GFOD2: variants seen among roughly 807,000 people sequenced by gnomAD.
GFOD2 encodes glucose-fructose oxidoreductase domain-containing protein 2.
GFOD2 carries 9 observed loss-of-function variants against 24.6 expected under a neutral mutation model. The observed-to-expected ratio is 0.37, with a 90% CI of 0.22 to 0.64. The LOEUF (loss-of-function observed/expected upper bound fraction) is 0.64, where lower values mean the gene tolerates loss of function less well. Ranked by LOEUF, GFOD2 falls within the 30% of genes least tolerant of loss-of-function variation. GFOD2 has a pLI of 0.65. For synonymous variants in GFOD2, 211 were observed against 224.8 expected (o/e 0.94, Z 0.55); for missense variants, 476 against 532.5 (o/e 0.89, Z 1.04).
Position 67,675,999 on chromosome 16 carries a change from C to T in GFOD2, c.314G>A (p.Arg105Gln), listed in dbSNP as rs771540117. The change falls in exon 3 of 3, where the codon CGG becomes CAG. Residue 105 changes from arginine to glutamine, a missense_variant. Transcript: ENST00000268797. ...GTAGTAGCGCGAGGCTGTCACCATC[C>T]GGAAGGCATCCACCGATGTTGCTGC... ...EKAATSVDAF[R>Q]MVTASRYYPQ... is the part of the protein sequence containing the mutation. 38 of 1,613,980 alleles carry T rather than the reference C, an allele frequency of 2.4e-5. No homozygotes were observed. The highest frequency in any genetic ancestry group is 4.5e-5 in the East Asian group (2 of 44,894).
At chr16:67,681,487 C>T in intron 2 of GFOD2, 2 of 840,302 alleles carry the variant, frequency 2.4e-6, no homozygotes, top group Non-Finnish European at 2.9e-6. Flanking sequence ...TGGCTCATTG[C>T]AACCTCCGCT....
chr16:67,683,707 G>C (rs1162957935), intron 2 of GFOD2: 1 of 1,230,254 alleles, frequency 8.1e-7, no homozygotes, highest in African/African-American at 1.6e-5. Context: ...AGAGGTGACA[G>C]ACACCTTCCT....
chr16:67,703,855 G>A (rs143805201), intron 1 of GFOD2, among the ~76,000 whole-genome samples: 1 of 152,268 alleles, frequency 6.6e-6, no homozygotes, highest in Non-Finnish European at 1.5e-5. Flanking sequence ...CATTACCCAT[G>A]TGCCCAGCCC....
chr16:67,698,757 G>A (rs1425446341), intron 1 of GFOD2, among the ~76,000 whole-genome samples: 1 of 152,224 alleles, frequency 6.6e-6, no homozygotes, highest in Non-Finnish European at 1.5e-5. Flanking sequence ...GGGATTACAG[G>A]CGTGAGCCAC....
chr16:67,690,196 G>C (rs775969316), intron 1 of GFOD2, among the ~76,000 whole-genome samples: 1 of 152,128 alleles, frequency 6.6e-6, no homozygotes, highest in Non-Finnish European at 1.5e-5. Flanking sequence ...ACCCAGAAGT[G>C]GAATTGCCGG....
chr16:67,697,556 T>C (rs1480661423), intron 1 of GFOD2, among the ~76,000 whole-genome samples: 2 of 152,026 alleles, frequency 1.3e-5, no homozygotes, highest in Non-Finnish European at 2.9e-5. Flanking sequence ...TCTCCCAGGG[T>C]TCCACGCCTG....
chr16:67,678,463 T>C (rs73599506), intron 2 of GFOD2, among the ~76,000 whole-genome samples: 43,205 of 138,684 alleles, frequency 0.31, 9,680 homozygotes, highest in African/African-American at 0.65. Flanking sequence ...GCGACGAGAG[T>C]GAAACTCTGT....
intron 1 of GFOD2, among the ~76,000 whole-genome samples, chr16:67,712,411 G>A (rs1233419107): frequency 1.4e-5 from 2 of 140,872 alleles, no homozygotes; most frequent in African/African-American, 2.7e-5. Context: ...TCAGCCTGCC[G>A]AGTGCCTGCG....
chr16:67,694,072 C>T (rs541146542), intron 1 of GFOD2, among the ~76,000 whole-genome samples: 4 of 152,116 alleles, frequency 2.6e-5, no homozygotes, highest in East Asian at 3.9e-4. Flanking sequence ...CTGCAACTTC[C>T]ACCTCCCGAG....
intron 1 of GFOD2, among the ~76,000 whole-genome samples, chr16:67,707,357 C>CAAA (rs1220107900): frequency 1.2e-5 from 1 of 80,490 alleles, no homozygotes; most frequent in Non-Finnish European, 2.6e-5. Context: ...AACTCCATTT[C>CAAA]AAAAAAAAAA....
At chr16:67,700,306 C>G (rs1161839729) in intron 1 of GFOD2, among the ~76,000 whole-genome samples, 1 of 150,388 alleles carries the variant, frequency 6.6e-6, no homozygotes, top group Non-Finnish European at 1.5e-5. Context: ...ACCCGGGAAG[C>G]AGAGGTTGCA....
At chr16:67,689,450 C>T (rs2053294558) in intron 1 of GFOD2, among the ~76,000 whole-genome samples, 1 of 151,260 alleles carries the variant, frequency 6.6e-6, no homozygotes. Flanking sequence ...GTGGGTGGAT[C>T]ACCTGAGGTG....
intron 1 of GFOD2, among the ~76,000 whole-genome samples, chr16:67,694,466 T>A (rs79631436): frequency 0.052 from 7,845 of 152,168 alleles, 245 homozygotes; most frequent in Middle Eastern, 0.16. Flanking sequence ...AAGTTTTTTT[T>A]AATTTTATTT....
chr16:67,690,740 C>T (rs1174461754), intron 1 of GFOD2, among the ~76,000 whole-genome samples: 2 of 152,164 alleles, frequency 1.3e-5, no homozygotes, highest in Admixed American at 6.5e-5. Context: ...ATTAAAAGGA[C>T]AAATCTGTCA....
chr16:67,682,045 CT>C (rs903643089), intron 2 of GFOD2: 636 of 254,290 alleles, frequency 2.5e-3, no homozygotes, highest in Middle Eastern at 3.8e-3. Context: ...CTTTTCTTTT[CT>C]TTTTTTTTTG....
rs773977871 is a variant in GFOD2, at chr16:67,675,993, A to G, written c.320T>C (p.Val107Ala). 8 of 1,614,002 alleles carry G rather than the reference A, an allele frequency of 5.0e-6. No individual in the cohort carries two copies. The highest frequency in any genetic ancestry group is 2.2e-5 in the South Asian group (2 of 91,092). Residue 107 changes from valine (V) to alanine (A), a missense_variant, in exon 3 of 3, where the codon GTG (valine) becomes GCG (alanine). Coordinates refer to ENST00000268797, the MANE Select transcript of GFOD2 (RefSeq NM_030819.4). Reference protein sequence around the residue: ...AATSVDAFRMVTASRYYPQLM... With the variant: ...AATSVDAFRMATASRYYPQLM... ...CTGCGGGTAGTAGCGCGAGGCTGTC[A>G]CCATCCGGAAGGCATCCACCGATGT...
rs1597788478 is a variant in GFOD2 at position 67,675,481 on chromosome 16, C to T, written c.832G>A (p.Glu278Lys). The change falls in exon 3 of 3, where the codon GAG (glutamate) becomes AAG (lysine). Residue 278 changes from glutamate (E) to lysine (K), a missense_variant. By Grantham distance (56) the Glu-to-Lys change is moderately conservative. Coordinates refer to ENST00000268797, the MANE Select transcript of GFOD2 (RefSeq NM_030819.4). ...GCCAGCGAGTCCCTCAAGAGCAGCT[C>T]CTCTTGCGTGGCAGAGTTCTTCTGC... ...YGQKNSATQEELLLRDSLAVG... is the reference protein window; with the variant it reads ...YGQKNSATQEKLLLRDSLAVG... The T allele has an allele frequency of 6.2e-7, 1 of 1,612,244 alleles. No individual in the cohort carries two copies. Among genetic ancestry groups the T allele is most frequent in the Non-Finnish European group, 8.5e-7 (1 of 1,180,004 alleles).
At position 67,692,396 on chromosome 16, in the gene GFOD2, T is replaced by C. The variant is rs538989485; in HGVS notation, c.-87-6594A>G. 1.6e-3 allele frequency among the ~76,000 whole-genome samples: 237 copies of C among 151,916 alleles called. 1 individual carries two copies. The highest frequency in any genetic ancestry group is 2.9e-3 in the Non-Finnish European group (196 of 67,962). On this transcript the variant is annotated intron_variant, in intron 1 of 2. Transcript: ENST00000268797. ...CAGTTCACGACCAGCCTGATCAACA[T>C]GGCAAAACCCCATCTATACTAAAAA...
chr16:67,692,550 A>T (rs1477853526), intron 1 of GFOD2, among the ~76,000 whole-genome samples: 1 of 152,032 alleles, frequency 6.6e-6, no homozygotes, highest in Non-Finnish European at 1.5e-5. Flanking sequence ...ACTGCACTCC[A>T]GCTTGGGTGA....
Sources: allele counts gnomAD v4.1 joint callset (sites outside exome capture counted in the v4.1 genomes callset), GRCh38; gene constraint gnomAD v4.1.1; transcripts MANE v1.5; gene names NCBI Gene and HGNC (gene_info 2026-07-23, HGNC 2026-07-21).